CCDC144A: variants seen among roughly 807,000 people sequenced by gnomAD.
CCDC144A encodes coiled-coil domain-containing protein 144A.
A neutral mutation model predicts 143.8 loss-of-function variants in CCDC144A; 41 were observed. The ratio of observed to expected loss-of-function variants is 0.29; its 90% CI spans 0.22 to 0.37. The LOEUF is 0.37. Among genes scored for constraint, CCDC144A ranks in the 10% least tolerant of loss-of-function variants. The pLI is 1.00. For synonymous variants in CCDC144A, 242 were observed against 517.9 expected (o/e 0.47, Z 7.23); for missense variants, 637 against 1,488.8 (o/e 0.43, Z 9.41).
chr17:16,690,356 GCTATC>G lies in CCDC144A; in HGVS notation c.-42_-38del, dbSNP rs751704438. 22 of 1,421,330 alleles carry G rather than the reference GCTATC, an allele frequency of 1.5e-5. No individual in the cohort carries two copies. The Middle Eastern group carries it at 1.6e-3, about 102-fold the overall frequency. The allele number at this position is 1,421,330 out of a possible 1,614,324, so 88.0% of individuals were successfully genotyped here. On this transcript the variant is annotated 5_prime_UTR_variant, in exon 1 of 17. Coordinates refer to ENST00000399273, the MANE Select transcript of CCDC144A (RefSeq NM_001382000.1). ...TCCTTTCGCAGATTGGAAACCGCGGGCTATCCTGCTGGGAGGTTGTGGCCGAGGCA... is the reference window on the plus strand; with the variant it reads ...TCCTTTCGCAGATTGGAAACCGCGGGCTGCTGGGAGGTTGTGGCCGAGGCA...
intron 1 of CCDC144A, among the ~76,000 whole-genome samples, chr17:16,691,420 T>A (rs1181237011): frequency 6.6e-6 from 1 of 151,998 alleles, no homozygotes; most frequent in African/African-American, 2.4e-5. Flanking sequence ...GTTAGTTGGA[T>A]TTAACAGAGC....
chr17:16,744,779 G>A (rs1423674680), intron 12 of CCDC144A, among the ~76,000 whole-genome samples: 1 of 150,478 alleles, frequency 6.6e-6, no homozygotes, highest in Non-Finnish European at 1.5e-5. Flanking sequence ...GGTTAAAATC[G>A]CAGTGCCAAA....
chr17:16,704,786 A>G (rs1481643332), intron 2 of CCDC144A, among the ~76,000 whole-genome samples: 1 of 152,316 alleles, frequency 6.6e-6, no homozygotes. Flanking sequence ...TACAATACAT[A>G]CATACAATGC....
At chr17:16,760,890 AGAT>A (rs1468492752) in intron 12 of CCDC144A, among the ~76,000 whole-genome samples, 1 of 147,948 alleles carries the variant, frequency 6.8e-6, no homozygotes, top group Non-Finnish European at 1.5e-5. Flanking sequence ...TGTGTGGCAA[AGAT>A]GATGAAAGTA....
intron 8 of CCDC144A, among the ~76,000 whole-genome samples, chr17:16,722,184 A>G (rs771239083): frequency 6.6e-6 from 1 of 152,088 alleles, no homozygotes; most frequent in South Asian, 2.1e-4. Context: ...AAATGCCTCT[A>G]TCTACTGAGA....
At chr17:16,736,989 G>A (rs1380672720) in intron 12 of CCDC144A, among the ~76,000 whole-genome samples, 1 of 151,772 alleles carries the variant, frequency 6.6e-6, no homozygotes, top group East Asian at 1.9e-4. Flanking sequence ...GGAAGAGTGA[G>A]TAGTGGGCTG....
At chr17:16,705,518 T>C in intron 3 of CCDC144A, 119 bp downstream of exon 3, 2 of 787,320 alleles carry the variant, frequency 2.5e-6, no homozygotes, top group Non-Finnish European at 4.1e-6. Context: ...ACTCACCTTT[T>C]GCACTGAACA....
At chr17:16,756,228 A>C (rs573855777) in intron 12 of CCDC144A, among the ~76,000 whole-genome samples, 1 of 152,018 alleles carries the variant, frequency 6.6e-6, no homozygotes, top group African/African-American at 2.4e-5. Flanking sequence ...TATTTCTGCA[A>C]CTCCCAATAT....
upstream of CCDC144A, among the ~76,000 whole-genome samples, chr17:16,689,351 A>C (rs1054932980): frequency 1.3e-5 from 2 of 152,054 alleles, no homozygotes; most frequent in Admixed American, 6.5e-5. Context: ...ACGCGCCACC[A>C]CGCCCAACTA....
chr17:16,741,526 CT>C (rs1914255968), intron 12 of CCDC144A, among the ~76,000 whole-genome samples: 1 of 152,232 alleles, frequency 6.6e-6, no homozygotes, highest in African/African-American at 2.4e-5. Context: ...ATGGTTATCA[CT>C]TTTAACACTT....
At chr17:16,746,704 C>A (rs1438430994) in intron 12 of CCDC144A, 1 of 1,611,976 alleles carries the variant, frequency 6.2e-7, no homozygotes, top group Admixed American at 1.7e-5. Flanking sequence ...GCAGCGGGCG[C>A]AGCTGCTCCT....
chr17:16,768,258 C>A (rs1281851498), intron 15 of CCDC144A, among the ~76,000 whole-genome samples: 4 of 152,244 alleles, frequency 2.6e-5, no homozygotes, highest in African/African-American at 9.6e-5. Context: ...CCCCAATAAA[C>A]TTATTTGTGG....
At chr17:16,769,195 G>T (rs1915728329) in intron 15 of CCDC144A, among the ~76,000 whole-genome samples, 1 of 152,112 alleles carries the variant, frequency 6.6e-6, no homozygotes, top group Non-Finnish European at 1.5e-5. Context: ...GTCACTGTGG[G>T]CAGACACATC....
At chr17:16,686,865 G>A (rs1448550007), upstream of CCDC144A, among the ~76,000 whole-genome samples, 8 of 152,026 alleles carry the variant, frequency 5.3e-5, no homozygotes, top group East Asian at 7.7e-4. Flanking sequence ...TGGCCTCAGG[G>A]ATGCAGGAAT....
intron 9 of CCDC144A, among the ~76,000 whole-genome samples, chr17:16,730,349 T>G (rs1436938801): frequency 1.4e-4 from 14 of 99,588 alleles, no homozygotes; most frequent in South Asian, 8.1e-4. Flanking sequence ...GGTCTACGTA[T>G]GTACTTTTAT....
intron 3 of CCDC144A, chr17:16,707,150 T>C: frequency 3.6e-6 from 1 of 276,158 alleles, no homozygotes; most frequent in Non-Finnish European, 6.8e-6. Flanking sequence ...ATAATATTAC[T>C]ACTGCATTCC....
At chr17:16,734,613 A>C in intron 11 of CCDC144A, 77 bp from the exon 12 acceptor site, 1 of 1,388,890 alleles carries the variant, frequency 7.2e-7, no homozygotes, top group South Asian at 1.6e-5. Flanking sequence ...TTTTCATTGT[A>C]TACATTATTT....
At chr17:16,746,259 GTCTC>G (rs1178734036) in intron 12 of CCDC144A, 21 of 1,092,886 alleles carry the variant, frequency 1.9e-5, no homozygotes, top group African/African-American at 7.9e-5. Flanking sequence ...CTGTTTATCT[GTCTC>G]TCTCTCTCTT....
chr17:16,751,291 G>A (rs1914778363), intron 12 of CCDC144A, among the ~76,000 whole-genome samples: 1 of 151,912 alleles, frequency 6.6e-6, no homozygotes, highest in Non-Finnish European at 1.5e-5. Context: ...GTTTCAGATG[G>A]CCAGGACTCT....
Sources: gnomAD v4.1 joint callset for allele counts (sites outside exome capture counted in the v4.1 genomes callset) on GRCh38, gnomAD v4.1.1 for gene constraint, MANE v1.5 for transcripts, NCBI Gene and HGNC (gene_info 2026-07-23, HGNC 2026-07-21) for gene names.